ESR1: variants seen among roughly 807,000 people sequenced by gnomAD.
The protein encoded by ESR1 is estrogen receptor 1, also known as estrogen receptor.
ESR1 carries 12 observed loss-of-function variants against 52.7 expected under a neutral mutation model. The observed-to-expected ratio is 0.23, with a 90% CI of 0.15 to 0.37. The LOEUF (loss-of-function observed/expected upper bound fraction) is 0.37, where lower values mean the gene tolerates loss of function less well. ESR1 is among the 10% of genes least tolerant of loss of function. The pLI, the probability that ESR1 is intolerant of heterozygous loss-of-function variation, is 1.00. For synonymous variants in ESR1, 305 were observed against 316.8 expected, an observed-to-expected ratio of 0.96 and a Z score of 0.39; for missense variants, 584 against 779.7, an observed-to-expected ratio of 0.75 and a Z score of 2.99.
intron 2 of ESR1, among the ~76,000 whole-genome samples, chr6:151,716,289 C>T (rs1423426642): frequency 6.6e-6 from 1 of 152,168 alleles, no homozygotes; most frequent in African/African-American, 2.4e-5. Context: ...AGGTGTCTCC[C>T]AGTCAGGAGG....
At chr6:151,675,229 C>T (rs182066553) in intron 1 of ESR1, among the ~76,000 whole-genome samples, 177 of 152,236 alleles carry the variant, frequency 1.2e-3, no homozygotes, top group Non-Finnish European at 2.1e-3. Flanking sequence ...TAATTACGTG[C>T]GTATTCATTG....
At chr6:151,850,778 C>T (rs114521914) in intron 2 of ESR1, among the ~76,000 whole-genome samples, 3,361 of 152,178 alleles carry the variant, frequency 0.022, 125 homozygotes, top group African/African-American at 0.075. Flanking sequence ...CTGGCTCTGA[C>T]GTTTCCAGAG....
intron 6 of ESR1, among the ~76,000 whole-genome samples, chr6:152,066,857 C>CT (rs1216489170): frequency 6.6e-6 from 1 of 152,160 alleles, no homozygotes; most frequent in Non-Finnish European, 1.5e-5. Context: ...TGATAAGCTG[C>CT]TTCCCTGAGC....
At chr6:151,933,755 C>T (rs1347663999) in intron 3 of ESR1, among the ~76,000 whole-genome samples, 1 of 152,170 alleles carries the variant, frequency 6.6e-6, no homozygotes, top group African/African-American at 2.4e-5. Flanking sequence ...TTCCTAATCA[C>T]AATTGTTTAT....
At chr6:151,814,723 G>A (rs1779350896) in intron 1 of ESR1, among the ~76,000 whole-genome samples, 1 of 152,142 alleles carries the variant, frequency 6.6e-6, no homozygotes, top group Admixed American at 6.5e-5. Flanking sequence ...CATTCATTTG[G>A]CTACCTTATT....
chr6:151,957,776 A>C (rs1157714834), intron 4 of ESR1, among the ~76,000 whole-genome samples: 2 of 152,240 alleles, frequency 1.3e-5, no homozygotes, highest in Non-Finnish European at 2.9e-5. Flanking sequence ...GATTTGAATC[A>C]ACCACATATT....
chr6:152,108,308 T>G (rs1300962355), intron 6 of ESR1, among the ~76,000 whole-genome samples: 1 of 152,212 alleles, frequency 6.6e-6, no homozygotes, highest in Non-Finnish European at 1.5e-5. Flanking sequence ...GTTCTGTTGC[T>G]GACCAAACTG....
At chr6:151,789,324 T>C (rs1358832071) in intron 2 of ESR1, among the ~76,000 whole-genome samples, 2 of 152,256 alleles carry the variant, frequency 1.3e-5, no homozygotes, top group African/African-American at 4.8e-5. Context: ...TTCAAACCTC[T>C]TTTTACTTTC....
upstream of ESR1, among the ~76,000 whole-genome samples, chr6:151,802,458 C>A (rs79994281): frequency 0.02 from 3,064 of 152,208 alleles, 194 homozygotes; most frequent in East Asian, 0.15. Context: ...CATTTATTTT[C>A]TTTCATGTTT....
intron 1 of ESR1, among the ~76,000 whole-genome samples, chr6:151,827,209 T>G (rs1781642044): frequency 6.6e-6 from 1 of 151,758 alleles, no homozygotes; most frequent in Non-Finnish European, 1.5e-5. Context: ...GCATCTGTAG[T>G]CCCAATTGCT....
At chr6:151,955,275 A>G (rs899057096) in intron 4 of ESR1, among the ~76,000 whole-genome samples, 1 of 152,190 alleles carries the variant, frequency 6.6e-6, no homozygotes, top group Non-Finnish European at 1.5e-5. Context: ...TAGAAGCAAT[A>G]TTTTTTAAAA....
intron 2 of ESR1, among the ~76,000 whole-genome samples, chr6:151,792,251 T>G (rs991395263): frequency 2.6e-5 from 4 of 152,166 alleles, no homozygotes; most frequent in Admixed American, 2.6e-4. Flanking sequence ...CTTGCAGGAC[T>G]GGAAGTTGCT....
At chr6:151,676,919 T>C (rs1228634265) in intron 1 of ESR1, among the ~76,000 whole-genome samples, 2 of 152,146 alleles carry the variant, frequency 1.3e-5, no homozygotes, top group South Asian at 2.1e-4. Context: ...GTTCAAACTG[T>C]GTAACGCAGT....
At chr6:152,073,981 T>A (rs1255779082) in intron 6 of ESR1, among the ~76,000 whole-genome samples, 6 of 152,182 alleles carry the variant, frequency 3.9e-5, no homozygotes, top group Non-Finnish European at 8.8e-5. Flanking sequence ...CAGATTTAGA[T>A]TTGCAGCAAA....
intron 2 of ESR1, among the ~76,000 whole-genome samples, chr6:151,705,403 A>G (rs1780110666): frequency 1.3e-5 from 2 of 152,154 alleles, no homozygotes. Flanking sequence ...CTATATCATT[A>G]TTTTGGGGGT....
chr6:151,790,563 G>A (rs1776053697), intron 2 of ESR1, among the ~76,000 whole-genome samples: 1 of 151,392 alleles, frequency 6.6e-6, no homozygotes, highest in Non-Finnish European at 1.5e-5. Context: ...GAAGAGAGAA[G>A]AGAGAAACGC....
At chr6:152,031,953 GGCTTCATCCCTGGGA>G (rs1346635802) in intron 5 of ESR1, among the ~76,000 whole-genome samples, 1 of 152,128 alleles carries the variant, frequency 6.6e-6, no homozygotes, top group East Asian at 1.9e-4. Flanking sequence ...TGGTCAAGTG[GGCTTCATCCCTGGGA>G]TGCAAGGCTG....
intron 1 of ESR1, among the ~76,000 whole-genome samples, chr6:151,818,872 A>C (rs1294416407): frequency 1.3e-5 from 2 of 152,048 alleles, no homozygotes; most frequent in Non-Finnish European, 2.9e-5. Context: ...CATATATCAT[A>C]TATACTCCCC....
chr6:152,087,057 T>TTTTAATGTTGAGGGC (rs2049782013), intron 6 of ESR1, among the ~76,000 whole-genome samples: 1 of 152,116 alleles, frequency 6.6e-6, no homozygotes. Flanking sequence ...ATGTTGAGGG[T>TTTTAATGTTGAGGGC]TTTAATGTTG....
Sources: allele counts gnomAD v4.1 joint callset (sites outside exome capture counted in the v4.1 genomes callset), GRCh38; gene constraint gnomAD v4.1.1; transcripts MANE v1.5; gene names NCBI Gene and HGNC (gene_info 2026-07-23, HGNC 2026-07-21).